The following SLC25A18 variants were observed in gnomAD, a reference collection of about 807,000 sequenced individuals.
The protein encoded by SLC25A18 is mitochondrial glutamate carrier 2.
A neutral mutation model predicts 31.1 loss-of-function variants in SLC25A18; 24 were observed. The ratio of observed to expected loss-of-function variants is 0.77; its 90% CI spans 0.56 to 1.08. The LOEUF is 1.08. Ranked by LOEUF, SLC25A18 falls within the 50% of genes least tolerant of loss-of-function variation. The pLI is 0.00. For missense variants in SLC25A18, 371 were observed against 418.5 expected (o/e 0.89, Z 0.99); for synonymous variants, 173 against 161.9 (o/e 1.07, Z -0.52).
At chr22:17,581,510 A>G in intron 5 of SLC25A18, 97 bp downstream of exon 5, 1 of 1,350,852 alleles carries the variant, frequency 7.4e-7, no homozygotes, top group Non-Finnish European at 1.0e-6. Context: ...GGATGGGGCC[A>G]GGGCTGCCAG....
chr22:17,564,158 G>A (rs1281123361), intron 1 of SLC25A18, among the ~76,000 whole-genome samples: 2 of 152,222 alleles, frequency 1.3e-5, no homozygotes, highest in Admixed American at 1.3e-4. Context: ...TGTCCAGTGT[G>A]ATGCTAAACA....
At chr22:17,569,552 G>C (rs1174399031) in intron 1 of SLC25A18, 41 of 944,750 alleles carry the variant, frequency 4.3e-5, no homozygotes, top group Non-Finnish European at 4.8e-5. Flanking sequence ...TCTTGCAAAA[G>C]TGTTTGCGTT....
Position 17,579,955 on chromosome 22 carries a change from A to G in SLC25A18, c.11A>G (p.Gln4Arg). Reference sequence around the variant, plus strand: ...CCCAGCCCCTGCAGAATGACCCACCAGGATCTGAGGTGAGCTCGGCTGGGG... The same window carrying G: ...CCCAGCCCCTGCAGAATGACCCACCGGGATCTGAGGTGAGCTCGGCTGGGG... MTH[Q>R]DLSITAKLIN... The change falls in exon 3 of 11, where the codon CAG becomes CGG. Residue 4 changes from glutamine to arginine, a missense_variant. Transcript: ENST00000327451. 1 of 1,611,258 alleles carries G rather than the reference A, an allele frequency of 6.2e-7. No homozygotes were observed. The highest frequency in any genetic ancestry group is 8.5e-7 in the Non-Finnish European group (1 of 1,179,188).
rs373963414 is a variant in SLC25A18, at chr22:17,590,097, A to C, written c.809A>C (p.Lys270Thr). The C allele has an allele frequency of 1.2e-6, 2 of 1,613,954 alleles. No individual in the cohort carries two copies. Among genetic ancestry groups the C allele is most frequent in the African/African-American group, 2.7e-5 (2 of 74,936 alleles). The change falls in exon 11 of 11, where the codon AAA (lysine) becomes ACA (threonine). Residue 270 changes from lysine (K) to threonine (T), a missense_variant and splice_region_variant. Physicochemically the swap from Lys to Thr is moderately conservative, Grantham distance 78 (BLOSUM62 -1). Coordinates refer to ENST00000327451, the MANE Select transcript of SLC25A18 (RefSeq NM_031481.3). ...CACTGGCTCTTCTTTCTCCCCAGGA[A>C]ACTCTGGATTCAGGAGGGACCATCT... is the stretch of plus-strand genomic sequence containing the variant. ...MYSGITDCAR[K>T]LWIQEGPSAF...
intron 2 of SLC25A18, among the ~76,000 whole-genome samples, chr22:17,578,856 T>C (rs1477043951): frequency 1.3e-5 from 2 of 152,128 alleles, no homozygotes; most frequent in Non-Finnish European, 2.9e-5. Flanking sequence ...GCTGAGATCG[T>C]GCCATTGCAC....
rs1468933887 is a variant in SLC25A18, at chr22:17,579,770, T to C, written c.-175T>C. 1.4e-6 allele frequency: 2 copies of C among 1,405,074 alleles called. No individual in the cohort carries two copies. The highest frequency in any genetic ancestry group is 9.3e-7 in the Non-Finnish European group (1 of 1,079,770). The allele number at this position is 1,405,074 out of a possible 1,614,324, so 87.0% of individuals were successfully genotyped here. ...GGGAGGAAGCCGCAGCCCAAGGAGG[T>C]CGTCACTTGCCGGGAAGGTGGCTCG... is the stretch of plus-strand genomic sequence containing the variant. On this transcript the variant is annotated 5_prime_UTR_variant, in exon 3 of 11. Transcript: ENST00000327451.
chr22:17,575,286 A>G (rs531670382), intron 2 of SLC25A18, among the ~76,000 whole-genome samples: 1 of 152,332 alleles, frequency 6.6e-6, no homozygotes, highest in Admixed American at 6.5e-5. Context: ...AAATGTATTT[A>G]TTAAGCACTC....
At chr22:17,579,708 C>T in intron 2 of SLC25A18, 37 bp from the exon 3 acceptor site, 5 of 1,347,196 alleles carry the variant, frequency 3.7e-6, no homozygotes, top group Non-Finnish European at 4.8e-6. Flanking sequence ...CGTCCTCGCC[C>T]ATCTGTGAGG....
rs549797120 is a variant in SLC25A18 at position 17,590,295 on chromosome 22, C to T, written c.*59C>T. 114 of 1,606,740 alleles carry T rather than the reference C, an allele frequency of 7.1e-5. No homozygotes were observed. In the South Asian group the frequency reaches 1.0e-3, roughly 14 times the overall value. The stretch of plus-strand genomic sequence containing the variant: ...CCCTCTCTCTAGCTGTTTCACTTAG[C>T]CTAGAGGGGGCAAGGGCAGGTGGGG... On this transcript the variant is annotated 3_prime_UTR_variant, in exon 11 of 11. Transcript: ENST00000327451.
intron 6 of SLC25A18, 47 bp from the exon 7 acceptor site, chr22:17,583,369 C>T: frequency 1.9e-6 from 3 of 1,610,756 alleles, no homozygotes; most frequent in Non-Finnish European, 2.5e-6. Flanking sequence ...TGCACCAGGG[C>T]AGGCCTGTGG....
At chr22:17,574,849 T>TTATTATTATTATTATTATTAG (rs2057192416) in intron 2 of SLC25A18, among the ~76,000 whole-genome samples, 1 of 143,270 alleles carries the variant, frequency 7.0e-6, no homozygotes, top group African/African-American at 2.7e-5. Context: ...ATTATTATTA[T>TTATTATTATTATTATTATTAG]TATTTATATA....
At chr22:17,577,174 C>A (rs2057249375) in intron 2 of SLC25A18, among the ~76,000 whole-genome samples, 1 of 152,136 alleles carries the variant, frequency 6.6e-6, no homozygotes. Flanking sequence ...AGGCGCCCAC[C>A]ACCACACCCG....
chr22:17,587,121 T>C lies in SLC25A18; in HGVS notation c.410-15T>C. On this transcript the variant is annotated splice_polypyrimidine_tract_variant and intron_variant, in intron 7 of 10. Transcript: ENST00000327451. ...GTTGGGGACCAGGTACTGATGTCTG[T>C]CCTTTCCCTTCCAGCCGTCCATCAT... is the stretch of plus-strand genomic sequence containing the variant. 6.2e-7 allele frequency: 1 copy of C among 1,612,758 alleles called. No individual in the cohort carries two copies. The highest frequency in any genetic ancestry group is 8.5e-7 in the Non-Finnish European group (1 of 1,179,340).
chr22:17,583,069 C>T (rs139126593), intron 6 of SLC25A18, among the ~76,000 whole-genome samples: 56 of 152,214 alleles, frequency 3.7e-4, no homozygotes, highest in African/African-American at 1.3e-3. Context: ...AGCGAGACCT[C>T]GTCTCAGGAA....
chr22:17,570,635 C>A (rs1314090511), intron 2 of SLC25A18, among the ~76,000 whole-genome samples: 1 of 152,176 alleles, frequency 6.6e-6, no homozygotes, highest in Non-Finnish European at 1.5e-5. Flanking sequence ...CAGGTGCATG[C>A]CACTATGCCT....
rs146790005 is a variant in SLC25A18 at position 17,574,004 on chromosome 22, C to T, written c.-201+4018C>T. On this transcript the variant is annotated intron_variant, in intron 2 of 10. Transcript: ENST00000327451. ...CGACACTTCGGGAGGTGGAGGTGTG[C>T]GGATCAGCTGAGCTCAGGAGTTCAA... is the stretch of plus-strand genomic sequence containing the variant. 4.8e-3 allele frequency among the ~76,000 whole-genome samples: 730 copies of T among 152,278 alleles called. 4 individuals are homozygous for T. The highest frequency in any genetic ancestry group is 0.017 in the African/African-American group (698 of 41,562).
intron 2 of SLC25A18, among the ~76,000 whole-genome samples, chr22:17,573,039 G>C (rs1382792740): frequency 6.6e-6 from 1 of 152,136 alleles, no homozygotes; most frequent in Non-Finnish European, 1.5e-5. Flanking sequence ...CTTGAGTCAA[G>C]GAAGTTGAGG....
At chr22:17,584,023 G>A (rs953077733) in intron 7 of SLC25A18, 28 of 979,922 alleles carry the variant, frequency 2.9e-5, no homozygotes, top group African/African-American at 5.3e-5. Flanking sequence ...AAATGAGAAT[G>A]TTGATTCAGA....
In SLC25A18 at chr22:17,568,180, T is replaced by C. The variant is rs149968129; in HGVS notation, c.-263-1744T>C. On this transcript the variant is annotated intron_variant, in intron 1 of 10. Coordinates refer to ENST00000327451, the MANE Select transcript of SLC25A18 (RefSeq NM_031481.3). ...GAGATCAAGACCATCCTGGCTAACA[T>C]GGTGAAACCCCGTCTCTACTAAAAA... 8.7e-3 allele frequency among the ~76,000 whole-genome samples: 1,315 copies of C among 151,698 alleles called. 19 individuals carry two copies. Among genetic ancestry groups the C allele is most frequent in the African/African-American group, 0.029 (1,212 of 41,342 alleles).
Sources: allele counts gnomAD v4.1 joint callset (sites outside exome capture counted in the v4.1 genomes callset), GRCh38; gene constraint gnomAD v4.1.1; transcripts MANE v1.5; gene names NCBI Gene and HGNC (gene_info 2026-07-23, HGNC 2026-07-21).